GALNT10: variants seen among roughly 807,000 people sequenced by gnomAD.
GALNT10 encodes the protein polypeptide N-acetylgalactosaminyltransferase 10.
In GALNT10, 41 loss-of-function variants were observed where a neutral mutation model predicts 75.0. That is an observed-to-expected ratio of 0.55 (90% CI 0.43 to 0.71). GALNT10 has a LOEUF of 0.71. Among genes scored for constraint, GALNT10 ranks in the 30% least tolerant of loss-of-function variants. The probability of loss-of-function intolerance (pLI) is 0.00; values close to 1 mark genes in which losing one functional copy is unlikely to be tolerated. For missense variants in GALNT10, 727 were observed against 818.5 expected, an observed-to-expected ratio of 0.89 and a Z score of 1.36; for synonymous variants, 302 against 313.0, an observed-to-expected ratio of 0.96 and a Z score of 0.37.
intron 1 of GALNT10, among the ~76,000 whole-genome samples, chr5:154,260,960 T>C (rs1753690731): frequency 6.6e-6 from 1 of 151,516 alleles, no homozygotes; most frequent in Admixed American, 6.6e-5. Context: ...AACCAGCCTC[T>C]GCAGAAAGTG....
rs373700624 is a variant in GALNT10 at position 154,227,155 on chromosome 5, G to T, written c.159+36130G>T. ...ATTACAAAGTTACCGTGAAATTCAT[G>T]TACAAGTCTTTCTGTGACCATATGC... is the stretch of plus-strand genomic sequence containing the variant. On this transcript the variant is annotated intron_variant, in intron 1 of 11. Transcript: ENST00000297107. Among the ~76,000 whole-genome samples, 14 of 152,278 alleles carry T rather than the reference G, an allele frequency of 9.2e-5. No homozygotes were observed. In the South Asian group the frequency reaches 1.9e-3, roughly 20 times the overall value.
intron 2 of GALNT10, 69 bp from the exon 3 acceptor site, chr5:154,297,872 C>T: frequency 1.5e-6 from 2 of 1,355,480 alleles, no homozygotes; most frequent in African/African-American, 1.5e-5. Flanking sequence ...ATTTTTCATC[C>T]TTTTTCCCCA....
At chr5:154,297,479 A>G (rs1754293162) in intron 2 of GALNT10, among the ~76,000 whole-genome samples, 1 of 152,194 alleles carries the variant, frequency 6.6e-6, no homozygotes, top group South Asian at 2.1e-4. Flanking sequence ...GACTCTTTCA[A>G]GTGTGCTGTG....
intron 4 of GALNT10, among the ~76,000 whole-genome samples, chr5:154,368,864 G>T (rs1561673568): frequency 1.3e-5 from 2 of 152,198 alleles, no homozygotes; most frequent in African/African-American, 4.8e-5. Context: ...AGAGGACTAG[G>T]GTTGGAAACT....
intron 1 of GALNT10, among the ~76,000 whole-genome samples, chr5:154,236,334 C>A (rs1264972030): frequency 6.6e-6 from 1 of 152,218 alleles, no homozygotes; most frequent in East Asian, 1.9e-4. Flanking sequence ...TGACCCAATG[C>A]ATCTTAGCTG....
At chr5:154,223,775 C>G (rs1753021935) in intron 1 of GALNT10, among the ~76,000 whole-genome samples, 2 of 152,062 alleles carry the variant, frequency 1.3e-5, no homozygotes, top group South Asian at 4.2e-4. Context: ...CACAGATTAA[C>G]TGGGCGTGGT....
chr5:154,246,572 T>C (rs1554095358), intron 1 of GALNT10, among the ~76,000 whole-genome samples: 1 of 152,238 alleles, frequency 6.6e-6, no homozygotes, highest in Non-Finnish European at 1.5e-5. Context: ...ATGATGAGCA[T>C]TTTTTAATGT....
rs755161576 is a variant in GALNT10, at chr5:154,416,693, G to A, written c.1654-121G>A. The stretch of plus-strand genomic sequence containing the variant: ...TGTGAGCTCAGGAGGAAAACCAACA[G>A]GTGTATGAACAGCTAGTCAGTCAGT... On this transcript the variant is annotated intron_variant, in intron 11 of 11. Coordinates refer to ENST00000297107, the MANE Select transcript of GALNT10 (RefSeq NM_198321.4). The surrounding 1 kb of genome is among the most constrained non-coding windows in gnomAD (Gnocchi z 4.5). The A allele has an allele frequency of 1.4e-6, 1 of 733,392 alleles. No homozygotes were observed. The highest frequency in any genetic ancestry group is 2.4e-6 in the Non-Finnish European group (1 of 420,716). 45.4% of individuals were successfully genotyped at this position (733,392 alleles called of 1,614,324 possible).
chr5:154,210,140 GA>G (rs1423913178), intron 1 of GALNT10, among the ~76,000 whole-genome samples: 7 of 152,094 alleles, frequency 4.6e-5, no homozygotes, highest in Non-Finnish European at 8.8e-5. Context: ...ATGCCACTGG[GA>G]AAGCCTAAGT....
At chr5:154,255,235 G>A (rs920261060) in intron 1 of GALNT10, among the ~76,000 whole-genome samples, 10 of 152,052 alleles carry the variant, frequency 6.6e-5, no homozygotes, top group South Asian at 6.2e-4. Context: ...AGGAAAATGG[G>A]ACCACCAGGA....
intron 1 of GALNT10, among the ~76,000 whole-genome samples, chr5:154,290,258 ATTTTTTTT>A (rs71577131): frequency 0.08 from 7,890 of 98,962 alleles, 235 homozygotes; most frequent in Middle Eastern, 0.23. Flanking sequence ...CACTCAGCTA[ATTTTTTTT>A]TTTTTTTTTT....
intron 1 of GALNT10, among the ~76,000 whole-genome samples, chr5:154,280,425 C>CAA (rs1448560627): frequency 1.3e-5 from 2 of 152,008 alleles, no homozygotes; most frequent in Non-Finnish European, 2.9e-5. Context: ...GTTCCTAACA[C>CAA]AAAGAAGTGA....
intron 7 of GALNT10, among the ~76,000 whole-genome samples, chr5:154,403,289 G>T (rs905355975): frequency 5.3e-5 from 8 of 152,190 alleles, no homozygotes; most frequent in Admixed American, 3.9e-4. Flanking sequence ...GTCTATGTAG[G>T]CTGGGCCCCT....
intron 1 of GALNT10, among the ~76,000 whole-genome samples, chr5:154,226,731 T>C (rs1437243555): frequency 6.6e-6 from 1 of 152,184 alleles, no homozygotes; most frequent in Non-Finnish European, 1.5e-5. Flanking sequence ...TTGTAAGTTT[T>C]CACATATCTA....
chr5:154,288,408 T>TTGTGTGTGTGTG (rs10534031), intron 1 of GALNT10, among the ~76,000 whole-genome samples: 1,751 of 122,584 alleles, frequency 0.014, 27 homozygotes, highest in African/African-American at 0.039. Context: ...AAAATTCCAT[T>TTGTGTGTGTGTG]TGTGTGTGTG....
At chr5:154,389,613 A>G (rs1755863568) in intron 7 of GALNT10, 2 of 151,768 alleles carry the variant, frequency 1.3e-5, no homozygotes, top group East Asian at 1.9e-4. Context: ...ACCTTTATCA[A>G]ATTTTAACTG....
intron 4 of GALNT10, among the ~76,000 whole-genome samples, chr5:154,348,530 C>A (rs1039580629): frequency 6.6e-6 from 1 of 152,064 alleles, no homozygotes; most frequent in Admixed American, 6.5e-5. Flanking sequence ...TATTGTTTTT[C>A]CTCCATAAAT....
Position 154,190,800 on chromosome 5 carries a change from G to GGCGGACGGGCGGACGC in GALNT10, c.-60_-59insGGCGGACGCGCGGACG, listed in dbSNP as rs905280107. 61 of 866,994 alleles carry GGCGGACGGGCGGACGC rather than the reference G, an allele frequency of 7.0e-5. No homozygotes were observed. The highest frequency in any genetic ancestry group is 4.1e-4 in the East Asian group (4 of 9,724). 53.7% of individuals were successfully genotyped at this position (866,994 alleles called of 1,614,324 possible). ...AGCTGCTGCCGCCGCCGGGCGGACGGGCGGACGCGCGGAGCTGGGGGCGGC... is the reference window on the plus strand; with the variant it reads ...AGCTGCTGCCGCCGCCGGGCGGACGGGCGGACGGGCGGACGCGCGGACGCGCGGAGCTGGGGGCGGC... On this transcript the variant is annotated 5_prime_UTR_variant, in exon 1 of 12. Coordinates refer to ENST00000297107, the MANE Select transcript of GALNT10 (RefSeq NM_198321.4).
Position 154,190,983 on chromosome 5 carries a change from C to T in GALNT10, c.117C>T (p.Thr39=). The change falls in exon 1 of 12, where the codon ACC becomes ACT. Residue 39 remains threonine (T), a synonymous_variant. Transcript: ENST00000297107. The part of the protein sequence containing the change: ...ALYRERQPDG[T]PGGSGAAVAP... ...ACCGCGAGCGGCAGCCCGACGGCACCCCTGGGGGATCGGGGGCGGCGGTGG... is the reference window on the plus strand; with the variant it reads ...ACCGCGAGCGGCAGCCCGACGGCACTCCTGGGGGATCGGGGGCGGCGGTGG... 1 of 1,501,358 alleles carries T rather than the reference C, an allele frequency of 6.7e-7. No homozygotes were observed. Among genetic ancestry groups the T allele is most frequent in the Non-Finnish European group, 8.9e-7 (1 of 1,125,658 alleles). The allele number at this position is 1,501,358 out of a possible 1,614,324, so 93.0% of individuals were successfully genotyped here.
Sources: gnomAD v4.1 joint callset for allele counts (sites outside exome capture counted in the v4.1 genomes callset) on GRCh38, gnomAD v4.1.1 for gene constraint, Gnocchi (gnomAD v3.1) non-coding constraint, MANE v1.5 for transcripts, NCBI Gene and HGNC (gene_info 2026-07-23, HGNC 2026-07-21) for gene names.